ANK1: variants seen among roughly 807,000 people sequenced by gnomAD.
ANK1 encodes the protein ankyrin 1.
A neutral mutation model predicts 210.4 loss-of-function variants in ANK1; 51 were observed. The ratio of observed to expected loss-of-function variants is 0.24; its 90% CI spans 0.19 to 0.31. ANK1 has a LOEUF of 0.31. Ranked by LOEUF, ANK1 falls within the 10% of genes least tolerant of loss-of-function variation. ANK1 has a pLI of 1.00. For synonymous variants in ANK1, 967 were observed against 1,025.9 expected (o/e 0.94, Z 1.10); for missense variants, 2,051 against 2,504.4 (o/e 0.82, Z 3.86).
chr8:41,661,201 C>T (rs1015769563), intron 42 of ANK1: 7 of 596,156 alleles, frequency 1.2e-5, no homozygotes, highest in Admixed American at 2.9e-5. Flanking sequence ...CAAAACCGTG[C>T]GGTCCCTGAT....
At chr8:41,763,881 C>CTTTTTTTTTTTTTTTTTTTTTTTTTGTT in intron 1 of ANK1, among the ~76,000 whole-genome samples, 1 of 72,142 alleles carries the variant, frequency 1.4e-5, no homozygotes, top group Non-Finnish European at 2.7e-5. Flanking sequence ...TTCTTTTTTT[C>CTTTTTTTTTTTTTTTTTTTTTTTTTGTT]TTTTTTTCTT....
At chr8:41,852,435 G>C (rs770986704) in intron 1 of ANK1, among the ~76,000 whole-genome samples, 1 of 152,120 alleles carries the variant, frequency 6.6e-6, no homozygotes, top group Non-Finnish European at 1.5e-5. Flanking sequence ...CTGATGACCC[G>C]GGCACCTCCT....
intron 1 of ANK1, among the ~76,000 whole-genome samples, chr8:41,805,913 A>T (rs186720247): frequency 8.3e-4 from 126 of 152,368 alleles, no homozygotes; most frequent in Admixed American, 2.0e-3. Flanking sequence ...GAGTATTTTA[A>T]TAGCCTTTTC....
At chr8:41,837,511 C>A (rs1020910510) in intron 1 of ANK1, among the ~76,000 whole-genome samples, 1 of 152,086 alleles carries the variant, frequency 6.6e-6, no homozygotes, top group African/African-American at 2.4e-5. Flanking sequence ...GGGATATTTG[C>A]GAAAATTAAA....
chr8:41,663,114 C>CTGTGTGTGTG lies in ANK1; in HGVS notation c.5478+535_5478+544dup, dbSNP rs56138651. ...TGTGTGTGTGTCTCTCTCTCTCTCT[C>CTGTGTGTGTG]TGTGTGTGTGTGTGTGTGTGTGTGT... On this transcript the variant is annotated intron_variant, in intron 40 of 42. Transcript: ENST00000289734. Among the ~76,000 whole-genome samples the CTGTGTGTGTG allele has an allele frequency of 7.5e-3, 1,084 of 145,224 alleles. 15 individuals carry two copies. The highest frequency in any genetic ancestry group is 0.025 in the African/African-American group (965 of 38,818).
At chr8:41,869,660 G>A (rs1815109545) in intron 1 of ANK1, among the ~76,000 whole-genome samples, 2 of 152,160 alleles carry the variant, frequency 1.3e-5, no homozygotes, top group South Asian at 4.1e-4. Context: ...GAAAAATGCT[G>A]CCTTGTAGGA....
chr8:41,880,382 G>A (rs918508571), intron 1 of ANK1, among the ~76,000 whole-genome samples: 9 of 152,196 alleles, frequency 5.9e-5, no homozygotes, highest in Admixed American at 2.0e-4. Context: ...ACACGGAAGA[G>A]GGAACAATTA....
At chr8:41,761,209 AC>A in intron 1 of ANK1, among the ~76,000 whole-genome samples, 1 of 148,632 alleles carries the variant, frequency 6.7e-6, no homozygotes, top group African/African-American at 2.5e-5. Flanking sequence ...ACAGATTCAC[AC>A]ACACACACAC....
rs56359274 is a variant in ANK1 at position 41,820,327 on chromosome 8, ATGTGTGTGTGTGTGTGTGTGTG to A, written c.127-62212_127-62191del. ...GGTGTCCACCACCACACCAAGCTAA[ATGTGTGTGTGTGTGTGTGTGTG>A]TGTGTGTGTGTGTGTGTGTGTGTGT... On this transcript the variant is annotated intron_variant, in intron 1 of 42. Transcript: ENST00000265709. Among the ~76,000 whole-genome samples, 91 of 142,946 alleles carry A rather than the reference ATGTGTGTGTGTGTGTGTGTGTG, an allele frequency of 6.4e-4. No individual in the cohort carries two copies. The Middle Eastern group carries it at 0.017, about 27-fold the overall frequency. 93.8% of individuals were successfully genotyped at this position (142,946 alleles called of 152,430 possible). A position where few individuals can be genotyped will look rare whatever the true frequency, so the allele number is the denominator to read the frequency against.
intron 37 of ANK1, among the ~76,000 whole-genome samples, chr8:41,677,809 C>T (rs1563389086): frequency 1.3e-5 from 2 of 152,080 alleles, no homozygotes; most frequent in African/African-American, 2.4e-5. Context: ...AGGCTGGTCT[C>T]GAACTCCTGA....
chr8:41,766,282 G>A (rs1005583389), intron 1 of ANK1, among the ~76,000 whole-genome samples: 1 of 152,162 alleles, frequency 6.6e-6, no homozygotes, highest in Non-Finnish European at 1.5e-5. Flanking sequence ...AGGAAAGACA[G>A]CTGTCCCCAG....
intron 4 of ANK1, 89 bp from the exon 5 acceptor site, chr8:41,727,437 C>A (rs545113769): frequency 1.1e-6 from 1 of 921,862 alleles, no homozygotes; most frequent in African/African-American, 1.6e-5. Flanking sequence ...TGGAGGACAG[C>A]GCTCTCTTCA....
intron 17 of ANK1, among the ~76,000 whole-genome samples, chr8:41,706,557 G>A (rs536431144): frequency 6.6e-6 from 1 of 152,338 alleles, no homozygotes; most frequent in African/African-American, 2.4e-5. Context: ...CAAACAAGTG[G>A]TGGACCAGAT....
intron 1 of ANK1, among the ~76,000 whole-genome samples, chr8:41,762,457 TGG>T (rs1314958787): frequency 1.3e-5 from 2 of 152,190 alleles, no homozygotes; most frequent in African/African-American, 2.4e-5. Flanking sequence ...GTTTGCTTCT[TGG>T]GGCAGGGACC....
intron 1 of ANK1, among the ~76,000 whole-genome samples, chr8:41,764,255 C>T (rs529190080): frequency 1.3e-5 from 2 of 152,214 alleles, no homozygotes; most frequent in South Asian, 2.1e-4. Context: ...GCAAATGGCC[C>T]TTGTTGGGAT....
chr8:41,876,244 CGGCACCCTGGCACCCT>C (rs528905341), intron 1 of ANK1, among the ~76,000 whole-genome samples: 12 of 152,174 alleles, frequency 7.9e-5, no homozygotes, highest in Admixed American at 7.2e-4. Flanking sequence ...GCTCCAGCCG[CGGCACCCTGGCACCCT>C]GGCACCCTGG....
rs567888676 is a variant in ANK1 at position 41,818,799 on chromosome 8, T to C, written c.127-60662A>G. On this transcript the variant is annotated intron_variant, in intron 1 of 42. Transcript: ENST00000265709. The stretch of plus-strand genomic sequence containing the variant: ...AACCTGGTCAGGCAGGCAATTAAAG[T>C]GTGTCCTTGGTTGAATTCTTTCAAA... 1.5e-4 allele frequency among the ~76,000 whole-genome samples: 23 copies of C among 152,304 alleles called. 1 individual carries two copies. The South Asian group carries it at 4.8e-3, about 32-fold the overall frequency.
intron 42 of ANK1, among the ~76,000 whole-genome samples, chr8:41,657,660 A>G (rs1308946494): frequency 6.6e-6 from 1 of 152,226 alleles, no homozygotes; most frequent in Non-Finnish European, 1.5e-5. Context: ...TTTACCGCCC[A>G]GGCACTGAGC....
upstream of ANK1, chr8:41,797,629 C>A: frequency 6.3e-7 from 1 of 1,588,018 alleles, no homozygotes; most frequent in Non-Finnish European, 8.6e-7. This position sits in a 1 kb window ranked among gnomAD's most constrained non-coding sequence, Gnocchi z 4.0. Flanking sequence ...CTCTGCGGGG[C>A]CTGTGACGTG....
Sources: gnomAD v4.1 joint callset for allele counts (sites outside exome capture counted in the v4.1 genomes callset) on GRCh38, gnomAD v4.1.1 for gene constraint, Gnocchi (gnomAD v3.1) non-coding constraint, MANE v1.5 for transcripts, NCBI Gene and HGNC (gene_info 2026-07-23, HGNC 2026-07-21) for gene names.